Variants in STAB2 observed in about 807,000 individuals in gnomAD.
STAB2 encodes stabilin 2.
Under a neutral mutation model 338.1 loss-of-function variants are expected in STAB2, and 288 were observed. The ratio of observed to expected loss-of-function variants is 0.85; its 90% CI spans 0.77 to 0.94. The LOEUF (loss-of-function observed/expected upper bound fraction) is 0.94, where lower values mean the gene tolerates loss of function less well. Ranked by LOEUF, STAB2 falls within the 40% of genes least tolerant of loss-of-function variation. STAB2 has a pLI of 0.00. For missense variants in STAB2, 3,141 were observed against 3,210.1 expected, an observed-to-expected ratio of 0.98 and a Z score of 0.52; for synonymous variants, 1,202 against 1,193.3, an observed-to-expected ratio of 1.01 and a Z score of -0.15.
chr12:103,759,305 G>T, intron 65 of STAB2, 32 bp downstream of exon 65: 1 of 1,606,872 alleles, frequency 6.2e-7, no homozygotes, highest in Non-Finnish European at 8.5e-7. Flanking sequence ...TTGGGGGAAC[G>T]GGAGATAATG....
chr12:103,689,977 A>G lies in STAB2; in HGVS notation c.3177A>G (p.Leu1059=). 2 of 1,612,660 alleles carry G rather than the reference A, an allele frequency of 1.2e-6. No individual in the cohort carries two copies. The highest frequency in any genetic ancestry group is 1.7e-6 in the Non-Finnish European group (2 of 1,179,552). The change falls in exon 29 of 69, where the codon CTA becomes CTG. Residue 1059 remains leucine, a synonymous_variant. Transcript: ENST00000388887. ...FWLSQSNIPA[L]IKYHMLLGTY... Reference sequence around the variant, plus strand: ...TGTCACAGAGCAATATTCCAGCCCTAATAAAGTAGGTGTTACTTATTTTAT... The same window carrying G: ...TGTCACAGAGCAATATTCCAGCCCTGATAAAGTAGGTGTTACTTATTTTAT...
At chr12:103,597,101 C>A (rs1036271653) in intron 3 of STAB2, among the ~76,000 whole-genome samples, 3 of 151,890 alleles carry the variant, frequency 2.0e-5, no homozygotes, top group Non-Finnish European at 2.9e-5. Context: ...TGGGGCAAAA[C>A]GGTACTCCTC....
chr12:103,712,022 C>G (rs745534619), intron 40 of STAB2, among the ~76,000 whole-genome samples: 1 of 152,154 alleles, frequency 6.6e-6, no homozygotes. Flanking sequence ...GGGAATAATC[C>G]GACTTGCCAG....
At chr12:103,721,039 A>C (rs375745999) in intron 44 of STAB2, among the ~76,000 whole-genome samples, 1 of 152,332 alleles carries the variant, frequency 6.6e-6, no homozygotes, top group East Asian at 1.9e-4. Flanking sequence ...TGAACCACAA[A>C]AGGATCTCTC....
intron 22 of STAB2, 150 bp from the exon 23 acceptor site, chr12:103,673,757 C>G: frequency 1.2e-6 from 1 of 829,714 alleles, no homozygotes; most frequent in South Asian, 1.8e-5. Context: ...AAATAGCAGC[C>G]TAAGTCTTCT....
At position 103,618,773 on chromosome 12, in the gene STAB2, A is replaced by G. The variant is rs140546807; in HGVS notation, c.332-1695A>G. ...GATTTAACTTCAGAGGATTGCTGTG[A>G]GTTGTAAACAAATGCATCCTTTATT... On this transcript the variant is annotated intron_variant, in intron 3 of 68. Coordinates refer to ENST00000388887, the MANE Select transcript of STAB2 (RefSeq NM_017564.10). 7.9e-5 allele frequency among the ~76,000 whole-genome samples: 12 copies of G among 152,290 alleles called. No individual in the cohort carries two copies. In the East Asian group the frequency reaches 2.1e-3, roughly 27 times the overall value.
intron 22 of STAB2, among the ~76,000 whole-genome samples, chr12:103,671,657 C>T (rs940885482): frequency 6.6e-6 from 1 of 152,140 alleles, no homozygotes; most frequent in Non-Finnish European, 1.5e-5. Flanking sequence ...TAGAACCATG[C>T]CTAGTACAAA....
At chr12:103,626,732 T>C (rs943724624) in intron 5 of STAB2, among the ~76,000 whole-genome samples, 1 of 152,108 alleles carries the variant, frequency 6.6e-6, no homozygotes, top group Non-Finnish European at 1.5e-5. Context: ...TCCCGGGAGG[T>C]GGCCATTCTG....
intron 27 of STAB2, among the ~76,000 whole-genome samples, chr12:103,686,622 C>T (rs146662416): frequency 1.3e-5 from 2 of 152,266 alleles, no homozygotes; most frequent in Non-Finnish European, 2.9e-5. Context: ...CCTCCTGTCT[C>T]AGCCTCCCAA....
Position 103,730,185 on chromosome 12 carries a change from C to T in STAB2, c.5152C>T (p.His1718Tyr). The T allele has an allele frequency of 6.2e-7, 1 of 1,613,506 alleles. No homozygotes were observed. The highest frequency in any genetic ancestry group is 8.5e-7 in the Non-Finnish European group (1 of 1,179,688). ...TATCATCAGTACTAATGGGATTGTT[C>T]ATATCATAGACAAATTGCTATCTCC... ...SDIISTNGIV[H>Y]IIDKLLSPKN... Residue 1718 changes from histidine to tyrosine, a missense_variant, in exon 49 of 69, where the codon CAT becomes TAT. His to Tyr is a moderately conservative substitution (Grantham distance 83). Transcript: ENST00000388887.
intron 9 of STAB2, among the ~76,000 whole-genome samples, chr12:103,646,937 T>G (rs1316912308): frequency 5.9e-5 from 9 of 151,550 alleles, no homozygotes; most frequent in Admixed American, 5.9e-4. Flanking sequence ...CACACCAGAG[T>G]GATAAGGTGA....
intron 44 of STAB2, among the ~76,000 whole-genome samples, chr12:103,722,357 G>A (rs558115181): frequency 1.3e-5 from 2 of 152,350 alleles, no homozygotes; most frequent in South Asian, 2.1e-4. Flanking sequence ...ATGTTGAGAT[G>A]TCACCTATGT....
At chr12:103,752,717 G>A (rs2139192877) in intron 60 of STAB2, among the ~76,000 whole-genome samples, 1 of 152,224 alleles carries the variant, frequency 6.6e-6, no homozygotes, top group Non-Finnish European at 1.5e-5. Flanking sequence ...AGAAAATCAT[G>A]TTACCAGAGA....
chr12:103,591,027 G>T lies in STAB2; in HGVS notation c.212G>T (p.Cys71Phe), dbSNP rs1452570249. Residue 71 changes from cysteine to phenylalanine, a missense_variant, in exon 2 of 69, where the codon TGC becomes TTC. Transcript: ENST00000388887. ...ITSGSVGVRD[C>F]RYTFEVRTYS... Reference sequence around the variant, plus strand: ...AGTGGCTCTGTAGGGGTTCGAGATTGCAGGTACTCATGAGAAAATAAACGT... The same window carrying T: ...AGTGGCTCTGTAGGGGTTCGAGATTTCAGGTACTCATGAGAAAATAAACGT... 1 of 1,613,612 alleles carries T rather than the reference G, an allele frequency of 6.2e-7. No individual in the cohort carries two copies. Among genetic ancestry groups the T allele is most frequent in the Admixed American group, 1.7e-5 (1 of 59,898 alleles).
chr12:103,728,340 C>T (rs1270877434), intron 47 of STAB2, among the ~76,000 whole-genome samples: 1 of 152,086 alleles, frequency 6.6e-6, no homozygotes, highest in Non-Finnish European at 1.5e-5. Flanking sequence ...GAACTCCTGG[C>T]CTCAAGTGAT....
Position 103,735,570 on chromosome 12 carries a change from G to A in STAB2, c.5540G>A (p.Gly1847Asp). The change falls in exon 52 of 69, where the codon GGC becomes GAC. Residue 1847 changes from glycine (G) to aspartate (D), a missense_variant. Transcript: ENST00000388887. ...GAGCTGAGTGTGAAATGTGGAGCTG[G>A]CAGGGACATCGTGAGTATCATCATG... ...GSELSVKCGA[G>D]RDIGDLFLNG... 6.3e-7 allele frequency: 1 copy of A among 1,586,674 alleles called. No individual in the cohort carries two copies. The highest frequency in any genetic ancestry group is 2.3e-5 in the East Asian group (1 of 43,736).
chr12:103,764,178 C>G (rs1884746657), intron 68 of STAB2, among the ~76,000 whole-genome samples: 1 of 152,080 alleles, frequency 6.6e-6, no homozygotes, highest in African/African-American at 2.4e-5. Context: ...GTCTCGAACT[C>G]CCAACCTCAG....
chr12:103,635,152 A>G (rs1957523965), intron 6 of STAB2, among the ~76,000 whole-genome samples: 1 of 152,214 alleles, frequency 6.6e-6, no homozygotes, highest in Non-Finnish European at 1.5e-5. Flanking sequence ...TCATCTGTTC[A>G]AGGATGTTTG....
rs776170169 is a variant in STAB2, at chr12:103,762,538, A to AC, written c.7488+139dup. ...GTGTCACACAGTAGCAGGGGCGGCC[A>AC]CCCACCCCACGCTTACTGCTGCTTG... is the stretch of plus-strand genomic sequence containing the variant. On this transcript the variant is annotated intron_variant, in intron 67 of 68. Transcript: ENST00000388887. 6 of 1,338,204 alleles carry AC rather than the reference A, an allele frequency of 4.5e-6. No individual in the cohort carries two copies. The South Asian group carries it at 8.1e-5, about 18-fold the overall frequency. The allele number at this position is 1,338,204 out of a possible 1,614,324, so 82.9% of individuals were successfully genotyped here.
Sources: allele counts gnomAD v4.1 joint callset (sites outside exome capture counted in the v4.1 genomes callset), GRCh38; gene constraint gnomAD v4.1.1; transcripts MANE v1.5; gene names NCBI Gene and HGNC (gene_info 2026-07-23, HGNC 2026-07-21).